The following ADGRB3 variants were observed in gnomAD, a reference collection of about 807,000 sequenced individuals.
ADGRB3 encodes adhesion G protein-coupled receptor B3, also known as brain-specific angiogenesis inhibitor 3.
In ADGRB3, 37 loss-of-function variants were observed where a neutral mutation model predicts 193.4. The observed-to-expected ratio is 0.19, with a 90% CI of 0.15 to 0.25. The LOEUF is 0.25. ADGRB3 is among the 10% of genes least tolerant of loss of function. The pLI, the probability that ADGRB3 is intolerant of heterozygous loss-of-function variation, is 1.00. For missense variants in ADGRB3, 1,637 were observed against 1,852.9 expected (o/e 0.88, Z 2.14); for synonymous variants, 690 against 644.2 (o/e 1.07, Z -1.08).
rs1012705919 is a variant in ADGRB3 at position 68,638,571 on chromosome 6, A to T, written c.-15-90A>T. The T allele has an allele frequency of 3.1e-6, 4 of 1,310,008 alleles. No individual in the cohort carries two copies. The Admixed American group carries it at 9.9e-5, about 32-fold the overall frequency. 81.1% of individuals were successfully genotyped at this position (1,310,008 alleles called of 1,614,324 possible). A position where few individuals can be genotyped will look rare whatever the true frequency, so the allele number is the denominator to read the frequency against. ...AAAAGGGCTTTTTACTGAAATCTTGAAAACAGCTGGCTGTAATATTGAAAG... is the reference window on the plus strand; with the variant it reads ...AAAAGGGCTTTTTACTGAAATCTTGTAAACAGCTGGCTGTAATATTGAAAG... On this transcript the variant is annotated intron_variant, in intron 2 of 31. Coordinates refer to ENST00000370598, the MANE Select transcript of ADGRB3 (RefSeq NM_001704.3).
chr6:69,362,152 G>T (rs1034126972), intron 29 of ADGRB3, among the ~76,000 whole-genome samples: 1 of 151,792 alleles, frequency 6.6e-6, no homozygotes, highest in African/African-American at 2.4e-5. Context: ...ATACTAACAG[G>T]ATTCTGAGGT....
At chr6:69,254,355 C>T (rs1196257006) in intron 20 of ADGRB3, among the ~76,000 whole-genome samples, 1 of 152,104 alleles carries the variant, frequency 6.6e-6, no homozygotes, top group Non-Finnish European at 1.5e-5. Flanking sequence ...GTTATTAATA[C>T]AGCCTGGTCC....
chr6:69,127,901 T>TTTTG (rs1554149856), intron 17 of ADGRB3, among the ~76,000 whole-genome samples: 5 of 119,852 alleles, frequency 4.2e-5, no homozygotes, highest in African/African-American at 1.3e-4. Flanking sequence ...AATAGTTTTT[T>TTTTG]TTTTGTTTTT....
intron 10 of ADGRB3, among the ~76,000 whole-genome samples, chr6:68,979,815 A>G (rs750933804): frequency 6.6e-6 from 1 of 151,400 alleles, no homozygotes; most frequent in Non-Finnish European, 1.5e-5. Flanking sequence ...TGTCTTTGGT[A>G]TATGTGAACA....
chr6:68,803,189 C>T (rs1489737742), intron 3 of ADGRB3, among the ~76,000 whole-genome samples: 1 of 152,092 alleles, frequency 6.6e-6, no homozygotes, highest in East Asian at 1.9e-4. Context: ...ATGACTTCTT[C>T]AAAGACCCAG....
At chr6:69,014,564 T>C (rs1431219262) in intron 12 of ADGRB3, among the ~76,000 whole-genome samples, 1 of 151,992 alleles carries the variant, frequency 6.6e-6, no homozygotes, top group East Asian at 1.9e-4. Context: ...AAAAATTATG[T>C]TATGATTTTT....
At chr6:69,032,427 G>A (rs888484928) in intron 13 of ADGRB3, among the ~76,000 whole-genome samples, 2 of 152,002 alleles carry the variant, frequency 1.3e-5, no homozygotes, top group African/African-American at 4.8e-5. Flanking sequence ...GAACTAGAAG[G>A]ATGCTGCTGT....
intron 17 of ADGRB3, among the ~76,000 whole-genome samples, chr6:69,080,406 C>T (rs536397229): frequency 1.0e-3 from 153 of 152,098 alleles, no homozygotes; most frequent in African/African-American, 3.5e-3. Context: ...TTATATGGCT[C>T]TGTTCAAACT....
chr6:68,933,339 C>T (rs1767395128), intron 4 of ADGRB3, among the ~76,000 whole-genome samples: 1 of 152,076 alleles, frequency 6.6e-6, no homozygotes, highest in South Asian at 2.1e-4. Context: ...TGCCTGCAAT[C>T]CTAGCACTTT....
chr6:68,758,718 G>T (rs1381569542), intron 3 of ADGRB3, among the ~76,000 whole-genome samples: 1 of 152,024 alleles, frequency 6.6e-6, no homozygotes, highest in Non-Finnish European at 1.5e-5. Context: ...GCCCCTAGTT[G>T]AAATGAATGA....
At chr6:69,025,022 G>A (rs1484119304) in intron 13 of ADGRB3, among the ~76,000 whole-genome samples, 14 of 151,774 alleles carry the variant, frequency 9.2e-5, no homozygotes, top group African/African-American at 2.9e-4. Context: ...AACCCGGCAG[G>A]CTGAGCTTGC....
intron 3 of ADGRB3, among the ~76,000 whole-genome samples, chr6:68,803,015 T>A (rs1767340870): frequency 6.6e-6 from 1 of 152,190 alleles, no homozygotes; most frequent in South Asian, 2.1e-4. Context: ...TCTAGCTATA[T>A]GCTTTGTGTT....
chr6:69,276,627 C>G (rs1279724361), intron 20 of ADGRB3, among the ~76,000 whole-genome samples: 1 of 152,090 alleles, frequency 6.6e-6, no homozygotes, highest in Non-Finnish European at 1.5e-5. Flanking sequence ...AAGGGCTTTC[C>G]AAGGTCTTCA....
intron 15 of ADGRB3, among the ~76,000 whole-genome samples, chr6:69,060,762 T>C (rs1216250146): frequency 6.6e-6 from 1 of 152,054 alleles, no homozygotes; most frequent in African/African-American, 2.4e-5. Flanking sequence ...TACATCTGTC[T>C]GTTCAGGACT....
chr6:68,942,149 CAAAT>C (rs1767660610), intron 5 of ADGRB3, among the ~76,000 whole-genome samples: 1 of 151,824 alleles, frequency 6.6e-6, no homozygotes, highest in South Asian at 2.1e-4. Flanking sequence ...CTAACTTAGG[CAAAT>C]AAATAACACC....
intron 17 of ADGRB3, among the ~76,000 whole-genome samples, chr6:69,223,242 A>G (rs1765937417): frequency 6.6e-6 from 1 of 152,160 alleles, no homozygotes; most frequent in Non-Finnish European, 1.5e-5. Context: ...GATGAATCAT[A>G]ATTTTGAAGT....
intron 17 of ADGRB3, among the ~76,000 whole-genome samples, chr6:69,228,534 A>C (rs1426246223): frequency 1.3e-5 from 2 of 152,222 alleles, no homozygotes; most frequent in African/African-American, 4.8e-5. Flanking sequence ...TTTTTAGATA[A>C]CAAATTAGAA....
intron 20 of ADGRB3, among the ~76,000 whole-genome samples, chr6:69,256,892 T>C (rs900515672): frequency 1.3e-5 from 2 of 152,234 alleles, no homozygotes; most frequent in Non-Finnish European, 2.9e-5. Context: ...ATACCTAATT[T>C]ATTGAGAGTT....
At chr6:69,041,745 G>T (rs1047265093) in intron 13 of ADGRB3, among the ~76,000 whole-genome samples, 2 of 151,924 alleles carry the variant, frequency 1.3e-5, no homozygotes, top group African/African-American at 4.8e-5. Flanking sequence ...GGCTGTGTGT[G>T]CTGTGTGTGC....
Sources: gnomAD v4.1 joint callset for allele counts (sites outside exome capture counted in the v4.1 genomes callset) on GRCh38, gnomAD v4.1.1 for gene constraint, MANE v1.5 for transcripts, NCBI Gene and HGNC (gene_info 2026-07-23, HGNC 2026-07-21) for gene names.